CYP4B1: variants seen among roughly 807,000 people sequenced by gnomAD.
CYP4B1 encodes the protein cytochrome P450 family 4 subfamily B member 1, also known as cytochrome P450 4B1.
A neutral mutation model predicts 54.0 loss-of-function variants in CYP4B1; 45 were observed. That is an observed-to-expected ratio of 0.83 (90% CI 0.66 to 1.07). The LOEUF is 1.07. CYP4B1 is among the 50% of genes least tolerant of loss of function. The pLI is 0.00. For missense variants in CYP4B1, 656 were observed against 655.4 expected (o/e 1.00, Z -0.01); for synonymous variants, 248 against 247.5 (o/e 1.00, Z -0.02).
chr1:46,809,399 C>T (rs551610947), intron 1 of CYP4B1, among the ~76,000 whole-genome samples: 2 of 152,152 alleles, frequency 1.3e-5, no homozygotes, highest in African/African-American at 2.4e-5. Flanking sequence ...TTTTTCCCTT[C>T]CTAATTTGTT....
At chr1:46,801,143 G>A (rs1678640571) in intron 1 of CYP4B1, among the ~76,000 whole-genome samples, 1 of 152,178 alleles carries the variant, frequency 6.6e-6, no homozygotes, top group Admixed American at 6.5e-5. Flanking sequence ...GAATGTTGGA[G>A]GGTAGGGAGA....
At chr1:46,804,192 C>T (rs1678767923) in intron 1 of CYP4B1, among the ~76,000 whole-genome samples, 1 of 152,034 alleles carries the variant, frequency 6.6e-6, no homozygotes, top group African/African-American at 2.4e-5. Context: ...ATGGCAGCCA[C>T]TGGGAGAGAG....
In CYP4B1 at chr1:46,814,044, G is replaced by C; in HGVS notation, c.756G>C (p.Gln252His). Reference protein sequence around the residue: ...PHGRRFLRACQVAHDHTDQVI... With the variant: ...PHGRRFLRACHVAHDHTDQVI... ...GCCGCCGCTTCCTGCGGGCCTGCCA[G>C]GTGGCCCATGACCATACAGGTGGGC... is the stretch of plus-strand genomic sequence containing the variant. The change falls in exon 6 of 12, where the codon CAG (glutamine) becomes CAC (histidine). Residue 252 changes from glutamine (Q) to histidine (H), a missense_variant. Physicochemically the swap from Gln to His is conservative, Grantham distance 24. Coordinates refer to ENST00000371923, the MANE Select transcript of CYP4B1 (RefSeq NM_001099772.2). The C allele has an allele frequency of 1.2e-6, 2 of 1,614,092 alleles. No individual in the cohort carries two copies. Among genetic ancestry groups the C allele is most frequent in the Non-Finnish European group, 1.7e-6 (2 of 1,180,014 alleles).
At chr1:46,813,443 A>T in intron 4 of CYP4B1, 39 bp from the exon 5 acceptor site, 1 of 1,613,638 alleles carries the variant, frequency 6.2e-7, no homozygotes, top group Non-Finnish European at 8.5e-7. Context: ...TAACCCCTGC[A>T]TCGCCTCCTA....
At position 46,810,263 on chromosome 1, in the gene CYP4B1, T is replaced by C. The variant is rs45537141; in HGVS notation, c.181-545T>C. Reference sequence around the variant, plus strand: ...TGTTTTTATTCTGAGCACTCACTATTGTCTGTGATTATTTTACTTAATTGT... The same window carrying C: ...TGTTTTTATTCTGAGCACTCACTATCGTCTGTGATTATTTTACTTAATTGT... On this transcript the variant is annotated intron_variant, in intron 1 of 11. Transcript: ENST00000371923. 8.6e-3 allele frequency among the ~76,000 whole-genome samples: 1,305 copies of C among 152,306 alleles called. 19 individuals carry two copies. The highest frequency in any genetic ancestry group is 0.028 in the African/African-American group (1,176 of 41,580).
chr1:46,800,172 CTTCTTTCTTTCTCT>C (rs1481076379), intron 1 of CYP4B1, among the ~76,000 whole-genome samples: 400 of 38,382 alleles, frequency 0.01, 54 homozygotes, highest in Middle Eastern at 0.034. Context: ...TTCTTTTTTT[CTTCTTTCTTTCTCT>C]TTCTTTCTTT....
At chr1:46,812,350 TGAGGGCATG>T in intron 3 of CYP4B1, 137 bp from the exon 4 acceptor site, 1 of 876,654 alleles carries the variant, frequency 1.1e-6, no homozygotes, top group Non-Finnish European at 1.8e-6. Flanking sequence ...TAGCCTAGGG[TGAGGGCATG>T]GAGGGCAATA....
intron 1 of CYP4B1, among the ~76,000 whole-genome samples, chr1:46,800,265 C>A (rs1028862190): frequency 1.8e-5 from 2 of 111,712 alleles, no homozygotes; most frequent in Non-Finnish European, 3.7e-5. Flanking sequence ...TTCCTTCCTT[C>A]CTTCCTTCCT....
Position 46,818,834 on chromosome 1 carries a change from C to T in CYP4B1, c.*20C>T, listed in dbSNP as rs1437018934. ...AAGTAGCTCTGATGAGAATGGGGTC[C>T]CAGATGGCTCAGGCTGTGACCTCCC... On this transcript the variant is annotated 3_prime_UTR_variant, in exon 12 of 12. Coordinates refer to ENST00000371923, the MANE Select transcript of CYP4B1 (RefSeq NM_001099772.2). The T allele has an allele frequency of 6.2e-7, 1 of 1,612,764 alleles. No homozygotes were observed.
intron 1 of CYP4B1, among the ~76,000 whole-genome samples, chr1:46,799,760 A>T (rs1300390140): frequency 6.6e-6 from 1 of 152,260 alleles, no homozygotes; most frequent in Non-Finnish European, 1.5e-5. Flanking sequence ...GTGTCCCCAA[A>T]GGCAGGGCTC....
At position 46,816,962 on chromosome 1, in the gene CYP4B1, G is replaced by A; in HGVS notation, c.1074-86G>A. ...ACTCTTGAGTGTGTGGTGGTGGTGA[G>A]GGAGGAAAACTGGGGCTGGGGTCTG... is the stretch of plus-strand genomic sequence containing the variant. On this transcript the variant is annotated intron_variant, in intron 8 of 11. Transcript: ENST00000371923. 2.0e-6 allele frequency: 3 copies of A among 1,502,970 alleles called. No homozygotes were observed. The South Asian group carries it at 3.7e-5, about 18-fold the overall frequency. The allele number at this position is 1,502,970 out of a possible 1,614,324, so 93.1% of individuals were successfully genotyped here.
chr1:46,806,434 T>G (rs973583025), intron 1 of CYP4B1, among the ~76,000 whole-genome samples: 3 of 152,212 alleles, frequency 2.0e-5, no homozygotes, highest in Admixed American at 2.0e-4. Context: ...TCGGGTCAAC[T>G]GGCTGATGGC....
chr1:46,810,835 G>A lies in CYP4B1; in HGVS notation c.208G>A (p.Val70Met). 1 of 1,614,174 alleles carries A rather than the reference G, an allele frequency of 6.2e-7. No individual in the cohort carries two copies. The highest frequency in any genetic ancestry group is 8.5e-7 in the Non-Finnish European group (1 of 1,180,022). ...EIQETGSLDK[V>M]VSWAHQFPYA... ...CCAGGAGACGGGGAGCCTGGACAAA[G>A]TGGTGTCCTGGGCCCACCAGTTCCC... The change falls in exon 2 of 12, where the codon GTG (valine) becomes ATG (methionine). Residue 70 changes from valine to methionine, a missense_variant. By Grantham distance (21) the Val-to-Met change is conservative (BLOSUM62 1). Coordinates refer to ENST00000371923, the MANE Select transcript of CYP4B1 (RefSeq NM_001099772.2).
At chr1:46,818,275 T>C (rs553280407) in intron 11 of CYP4B1, 62 bp downstream of exon 11, 86 of 1,433,100 alleles carry the variant, frequency 6.0e-5, no homozygotes, top group Middle Eastern at 5.3e-4. Context: ...GATGACATCA[T>C]AGGGGAGGCA....
At chr1:46,817,365 C>T (rs1293526971) in intron 9 of CYP4B1, 184 bp downstream of exon 9, 4 of 655,592 alleles carry the variant, frequency 6.1e-6, no homozygotes, top group East Asian at 5.6e-5. Flanking sequence ...GCCTCCATTT[C>T]CCCTTCTGTA....
intron 7 of CYP4B1, 31 bp downstream of exon 7, chr1:46,814,346 G>T: frequency 6.4e-7 from 1 of 1,551,656 alleles, no homozygotes. Flanking sequence ...CCCTACCTGA[G>T]GACTGGTCCC....
At chr1:46,808,129 AAGAG>A (rs140666775) in intron 1 of CYP4B1, among the ~76,000 whole-genome samples, 6 of 149,244 alleles carry the variant, frequency 4.0e-5, no homozygotes, top group Admixed American at 2.7e-4. Flanking sequence ...GGAAAGGAGA[AAGAG>A]AGAGAGAGAG....
chr1:46,807,713 G>A (rs1331995252), intron 1 of CYP4B1, among the ~76,000 whole-genome samples: 2 of 152,240 alleles, frequency 1.3e-5, no homozygotes, highest in Non-Finnish European at 2.9e-5. Context: ...AGGCAGTGAG[G>A]GAAGGGATCA....
intron 1 of CYP4B1, among the ~76,000 whole-genome samples, chr1:46,808,447 T>A (rs1678949737): frequency 6.6e-6 from 1 of 151,858 alleles, no homozygotes; most frequent in Non-Finnish European, 1.5e-5. Flanking sequence ...TGTCTTCTTT[T>A]GAGAAGTGTC....
Sources: allele counts gnomAD v4.1 joint callset (sites outside exome capture counted in the v4.1 genomes callset), GRCh38; gene constraint gnomAD v4.1.1; transcripts MANE v1.5; gene names NCBI Gene and HGNC (gene_info 2026-07-23, HGNC 2026-07-21).